XKR4: variants seen among roughly 807,000 people sequenced by gnomAD.
XKR4 encodes the protein XK related 4.
In XKR4, 12 loss-of-function variants were observed where a neutral mutation model predicts 53.9. The ratio of observed to expected loss-of-function variants is 0.22; its 90% confidence interval spans 0.14 to 0.36. The LOEUF (loss-of-function observed/expected upper bound fraction) is 0.36. Ranked by LOEUF, XKR4 falls within the 10% of genes least tolerant of loss-of-function variation. XKR4 has a pLI of 1.00. For missense variants in XKR4, 799 were observed against 859.5 expected (o/e 0.93, Z 0.88); for synonymous variants, 354 against 362.4 (o/e 0.98, Z 0.26).
At chr8:55,140,344 T>C (rs1006048109) in intron 1 of XKR4, 4 of 208,306 alleles carry the variant, frequency 1.9e-5, no homozygotes, top group Non-Finnish European at 4.0e-5. Flanking sequence ...CATTCGTTTG[T>C]TCACACACTG....
intron 2 of XKR4, among the ~76,000 whole-genome samples, chr8:55,436,292 A>G (rs1805176723): frequency 6.6e-6 from 1 of 152,210 alleles, no homozygotes; most frequent in African/African-American, 2.4e-5. Flanking sequence ...AACCCTTGAG[A>G]GTCCTTCATT....
At chr8:55,213,581 T>C (rs1247321486) in intron 1 of XKR4, among the ~76,000 whole-genome samples, 1 of 152,154 alleles carries the variant, frequency 6.6e-6, no homozygotes. Context: ...AGTTAGACTA[T>C]CTTTAAAGGT....
chr8:55,176,849 G>A (rs1485012629), intron 1 of XKR4, among the ~76,000 whole-genome samples: 2 of 152,070 alleles, frequency 1.3e-5, no homozygotes, highest in African/African-American at 4.8e-5. Flanking sequence ...TGGAAGTGTT[G>A]ATCAGTTATC....
chr8:55,182,575 A>G lies in XKR4; in HGVS notation c.806+79281A>G, dbSNP rs147436168. Reference sequence around the variant, plus strand: ...GCTTCCATTTCTTAATTGAATTGCTACTTTACCTTTGTCAAAAATTGATTG... The same window carrying G: ...GCTTCCATTTCTTAATTGAATTGCTGCTTTACCTTTGTCAAAAATTGATTG... On this transcript the variant is annotated intron_variant, in intron 1 of 2. Transcript: ENST00000327381. Among the ~76,000 whole-genome samples the G allele has an allele frequency of 1.2e-3, 177 of 152,236 alleles. 2 individuals carry two copies. The highest frequency in any genetic ancestry group is 3.4e-3 in the Middle Eastern group (1 of 294).
intron 2 of XKR4, among the ~76,000 whole-genome samples, chr8:55,467,477 G>C (rs572902688): frequency 6.6e-6 from 1 of 152,136 alleles, no homozygotes; most frequent in African/African-American, 2.4e-5. Flanking sequence ...TTGCACATGT[G>C]TGTTTACTGA....
At chr8:55,439,133 T>C (rs2129394614) in intron 2 of XKR4, among the ~76,000 whole-genome samples, 1 of 152,356 alleles carries the variant, frequency 6.6e-6, no homozygotes, top group African/African-American at 2.4e-5. Context: ...CACTCTGACA[T>C]GGACATGTGT....
intron 1 of XKR4, among the ~76,000 whole-genome samples, chr8:55,356,719 C>T (rs1453097510): frequency 2.6e-5 from 4 of 152,074 alleles, no homozygotes; most frequent in Non-Finnish European, 1.5e-5. Flanking sequence ...AGTGGAGGTG[C>T]AAATAAAAAA....
chr8:55,482,200 G>A (rs1417460440), intron 2 of XKR4, among the ~76,000 whole-genome samples: 4 of 151,952 alleles, frequency 2.6e-5, no homozygotes, highest in Non-Finnish European at 5.9e-5. Flanking sequence ...TATACACCAT[G>A]GAATACTATG....
At chr8:55,387,349 C>G (rs1181757906) in intron 2 of XKR4, among the ~76,000 whole-genome samples, 1 of 152,218 alleles carries the variant, frequency 6.6e-6, no homozygotes, top group Non-Finnish European at 1.5e-5. Context: ...TTGCTCACCA[C>G]CAAGATCTAC....
intron 2 of XKR4, among the ~76,000 whole-genome samples, chr8:55,358,367 A>C (rs971317281): frequency 6.6e-6 from 1 of 151,952 alleles, no homozygotes; most frequent in Non-Finnish European, 1.5e-5. Flanking sequence ...GAAATGGTAC[A>C]GATTACCCTA....
intron 2 of XKR4, among the ~76,000 whole-genome samples, chr8:55,493,915 C>A (rs142517646): frequency 6.6e-6 from 1 of 152,232 alleles, no homozygotes; most frequent in Non-Finnish European, 1.5e-5. Context: ...TCTTCGTATC[C>A]ATCCATTTGT....
rs1281413024 is a variant in XKR4, at chr8:55,538,857, T to C, written c.*14630T>C. On this transcript the variant is annotated 3_prime_UTR_variant, in exon 3 of 3. Transcript: ENST00000327381. ...TCCTCTTCACCCCTAAGATGACACA[T>C]CTTTACAACACAATAAAAGAACGTA... 1 of 152,196 alleles carries C rather than the reference T, an allele frequency of 6.6e-6. No individual in the cohort carries two copies. Among genetic ancestry groups the C allele is most frequent in the Non-Finnish European group, 1.5e-5 (1 of 68,038 alleles). The allele number at this position is 152,196 out of a possible 1,614,324, so 9.4% of individuals were successfully genotyped here.
At chr8:55,514,487 C>T (rs916764416) in intron 2 of XKR4, among the ~76,000 whole-genome samples, 1 of 152,044 alleles carries the variant, frequency 6.6e-6, no homozygotes, top group Admixed American at 6.5e-5. Context: ...GAACTCCTGA[C>T]CTCAAGTGAT....
intron 1 of XKR4, among the ~76,000 whole-genome samples, chr8:55,189,455 G>C (rs1049141991): frequency 6.6e-6 from 1 of 152,162 alleles, no homozygotes; most frequent in Non-Finnish European, 1.5e-5. Flanking sequence ...CACAAACCTG[G>C]ATGGTAGCAC....
rs530178818 is a variant in XKR4, at chr8:55,443,773, G to A, written c.1007-79508G>A. Among the ~76,000 whole-genome samples, 16 of 149,768 alleles carry A rather than the reference G, an allele frequency of 1.1e-4. No individual in the cohort carries two copies. In the South Asian group the frequency reaches 3.2e-3, roughly 30 times the overall value. ...AGGGAATCACTTGAATCCAGGAGGC[G>A]GAGGTTTCAGTGAGCTGAGATTGTG... On this transcript the variant is annotated intron_variant, in intron 2 of 2. Transcript: ENST00000327381.
intron 1 of XKR4, among the ~76,000 whole-genome samples, chr8:55,307,035 C>T (rs1423663806): frequency 7.1e-6 from 1 of 141,032 alleles, no homozygotes; most frequent in Non-Finnish European, 1.6e-5. Flanking sequence ...AACCTATACA[C>T]TTTTAGAAAA....
Position 55,455,247 on chromosome 8 carries a change from G to T in XKR4, c.1007-68034G>T, listed in dbSNP as rs907797718. 24 of 183,712 alleles carry T rather than the reference G, an allele frequency of 1.3e-4. 1 individual carries two copies. Among genetic ancestry groups the T allele is most frequent in the African/African-American group, 5.3e-4 (22 of 41,808 alleles). 11.4% of individuals were successfully genotyped at this position (183,712 alleles called of 1,614,324 possible). ...ACCCGGGACACCCCGGGTTCGCTCC[G>T]CGGCGGCCGCAGCGGCTGCGGCTGC... On this transcript the variant is annotated intron_variant, in intron 2 of 2. Transcript: ENST00000327381.
intron 1 of XKR4, among the ~76,000 whole-genome samples, chr8:55,153,871 G>A (rs1489690847): frequency 6.6e-6 from 1 of 152,212 alleles, no homozygotes; most frequent in Non-Finnish European, 1.5e-5. Context: ...GTTAATGCAG[G>A]AAGATATTAG....
intron 1 of XKR4, among the ~76,000 whole-genome samples, chr8:55,321,872 C>G (rs927490893): frequency 6.6e-6 from 1 of 152,134 alleles, no homozygotes; most frequent in Non-Finnish European, 1.5e-5. Flanking sequence ...GCCTGTAGTC[C>G]CAGCTACTTG....
Sources: gnomAD v4.1 joint callset for allele counts (sites outside exome capture counted in the v4.1 genomes callset) on GRCh38, gnomAD v4.1.1 for gene constraint, MANE v1.5 for transcripts, NCBI Gene and HGNC (gene_info 2026-07-23, HGNC 2026-07-21) for gene names.